Variants in ANGEL1 observed in about 807,000 individuals in gnomAD.
ANGEL1 encodes angel homolog 1.
In ANGEL1, 62 loss-of-function variants were observed where a neutral mutation model predicts 76.4. The ratio of observed to expected loss-of-function variants is 0.81; its 90% CI spans 0.66 to 1.00. The LOEUF is 1.00. ANGEL1 is among the 50% of genes least tolerant of loss of function. The pLI, the probability that ANGEL1 is intolerant of heterozygous loss-of-function variation, is 0.00. For missense variants in ANGEL1, 737 were observed against 836.7 expected (o/e 0.88, Z 1.47); for synonymous variants, 340 against 331.7 (o/e 1.03, Z -0.27).
chr14:76,797,707 C>T (rs961962664), intron 7 of ANGEL1, among the ~76,000 whole-genome samples: 2 of 152,218 alleles, frequency 1.3e-5, no homozygotes, highest in African/African-American at 2.4e-5. Context: ...TGTGACCTTC[C>T]GGTCAGTTTG....
At chr14:76,803,241 C>A (rs1015747177) in intron 7 of ANGEL1, 130 bp downstream of exon 7, 4 of 742,652 alleles carry the variant, frequency 5.4e-6, no homozygotes, top group Non-Finnish European at 4.3e-6. Context: ...AACCTTCCTT[C>A]TAAATATACG....
At chr14:76,806,982 T>C in intron 4 of ANGEL1, 133 bp from the exon 5 acceptor site, 1 of 1,035,124 alleles carries the variant, frequency 9.7e-7, no homozygotes, top group Non-Finnish European at 1.4e-6. Context: ...CCTTTGCCAC[T>C]TCCTTGGTTC....
chr14:76,809,111 G>C lies in ANGEL1; in HGVS notation c.597C>G (p.Pro199=), dbSNP rs1252009948. 1.2e-6 allele frequency: 2 copies of C among 1,614,106 alleles called. No homozygotes were observed. Residue 199 remains proline (P), a synonymous_variant, in exon 2 of 10, where the codon CCC becomes CCG. Transcript: ENST00000251089. ...GCTGCAACTGCCCCAGGCCCTCAAAGGGCCAGATGGAAGCCTCTTCCTGGG... is the reference window on the plus strand; with the variant it reads ...GCTGCAACTGCCCCAGGCCCTCAAACGGCCAGATGGAAGCCTCTTCCTGGG... The part of the protein sequence containing the change: ...PVPQEEASIW[P]FEGLGQLQPP...
At chr14:76,803,517 A>G (rs1894826958) in intron 6 of ANGEL1, 36 bp from the exon 7 acceptor site, 2 of 1,603,756 alleles carry the variant, frequency 1.2e-6, no homozygotes, top group African/African-American at 2.7e-5. Context: ...TGAAAGAAAG[A>G]CGATGAAGCC....
At chr14:76,812,511 A>C (rs1895118065) in intron 1 of ANGEL1, 2 of 1,241,394 alleles carry the variant, frequency 1.6e-6, no homozygotes, top group Non-Finnish European at 2.0e-6. Flanking sequence ...TCTCCACCTT[A>C]ACCGCGGCCG....
At chr14:76,797,745 A>G (rs1894626098) in intron 7 of ANGEL1, among the ~76,000 whole-genome samples, 2 of 152,268 alleles carry the variant, frequency 1.3e-5, no homozygotes, top group Non-Finnish European at 2.9e-5. Flanking sequence ...AAAATCGCCC[A>G]TTAGCAATTG....
At chr14:76,805,428 C>A (rs1467881591) in intron 5 of ANGEL1, among the ~76,000 whole-genome samples, 5 of 152,164 alleles carry the variant, frequency 3.3e-5, no homozygotes, top group Admixed American at 6.5e-5. Context: ...TTTCTCTGCA[C>A]ACATCTGGCT....
intron 3 of ANGEL1, 111 bp downstream of exon 3, chr14:76,807,811 T>C (rs757358574): frequency 6.6e-6 from 8 of 1,219,968 alleles, no homozygotes; most frequent in Admixed American, 2.1e-5. Context: ...CAGCCCTAGA[T>C]AGGACTCCAA....
chr14:76,801,930 G>C (rs1302242104), intron 7 of ANGEL1, among the ~76,000 whole-genome samples: 2 of 151,998 alleles, frequency 1.3e-5, no homozygotes, highest in African/African-American at 4.8e-5. Context: ...GCCAAGGCAG[G>C]CAGACTGCCT....
rs1351770174 is a variant in ANGEL1 at position 76,807,905 on chromosome 14, TC to T, written c.876+16del. On this transcript the variant is annotated intron_variant, in intron 3 of 9. Coordinates refer to ENST00000251089, the MANE Select transcript of ANGEL1 (RefSeq NM_015305.4). The stretch of plus-strand genomic sequence containing the variant: ...TCCAGCAACAATGCAAGATGGCAAT[TC>T]CCCCTCTTCACTCACATCAGGGTCC... 4 of 1,612,532 alleles carry T rather than the reference TC, an allele frequency of 2.5e-6. No individual in the cohort carries two copies. Among genetic ancestry groups the T allele is most frequent in the Non-Finnish European group, 3.4e-6 (4 of 1,179,390 alleles).
intron 7 of ANGEL1, among the ~76,000 whole-genome samples, chr14:76,799,906 GAA>G (rs11317631): frequency 2.0e-3 from 245 of 119,696 alleles, no homozygotes; most frequent in South Asian, 4.9e-3. Flanking sequence ...ACTCTGTCAT[GAA>G]AAAAAAAAAA....
chr14:76,793,460 AG>A (rs1438776727), intron 7 of ANGEL1, among the ~76,000 whole-genome samples: 2 of 84,192 alleles, frequency 2.4e-5, no homozygotes, highest in Non-Finnish European at 4.8e-5. Context: ...AAGGAAGAAG[AG>A]GGAGGAAAGG....
chr14:76,808,948 T>C (rs908476891), intron 2 of ANGEL1, 111 bp downstream of exon 2: 27 of 1,000,316 alleles, frequency 2.7e-5, no homozygotes, highest in African/African-American at 2.1e-4. Context: ...CTTAGAAAAA[T>C]AGAATGCAGT....
chr14:76,786,167 CTT>C lies in ANGEL1; in HGVS notation c.*3059_*3060del, dbSNP rs1555360433. On this transcript the variant is annotated 3_prime_UTR_variant, in exon 10 of 10. Coordinates refer to ENST00000251089, the MANE Select transcript of ANGEL1 (RefSeq NM_015305.4). ...AGTTTTCTTTCTTTTCTTTTCTTTT[CTT>C]TTTTTTTTTTTGAGATGGAGTTTCA... 12 of 114,944 alleles carry C rather than the reference CTT, an allele frequency of 1.0e-4. No individual in the cohort carries two copies. Among genetic ancestry groups the C allele is most frequent in the Middle Eastern group, 3.7e-3 (1 of 268 alleles). 7.1% of individuals were successfully genotyped at this position (114,944 alleles called of 1,614,324 possible). A position where few individuals can be genotyped will look rare whatever the true frequency, so the allele number is the denominator to read the frequency against.
chr14:76,803,715 C>G, intron 6 of ANGEL1, 71 bp downstream of exon 6: 1 of 1,537,070 alleles, frequency 6.5e-7, no homozygotes, highest in Non-Finnish European at 8.7e-7. Context: ...TTTTTCTTGT[C>G]GTTGAGACAC....
intron 7 of ANGEL1, among the ~76,000 whole-genome samples, chr14:76,801,857 T>C (rs1894773478): frequency 6.6e-6 from 1 of 152,190 alleles, no homozygotes. Flanking sequence ...GCTCTTTCTT[T>C]CATAAAGACA....
Position 76,809,190 on chromosome 14 carries a change from T to A in ANGEL1, c.518A>T (p.Gln173Leu), listed in dbSNP as rs1895010533. 1.2e-6 allele frequency: 2 copies of A among 1,613,848 alleles called. No individual in the cohort carries two copies. The highest frequency in any genetic ancestry group is 1.7e-6 in the Non-Finnish European group (2 of 1,179,866). The change falls in exon 2 of 10, where the codon CAG becomes CTG. Residue 173 changes from glutamine to leucine, a missense_variant. Around this residue, in one of 2 missense-constraint regions of ANGEL1, gnomAD observed 441 missense variants for 449.5 expected, o/e 0.98. Coordinates refer to ENST00000251089, the MANE Select transcript of ANGEL1 (RefSeq NM_015305.4). ...CAACACCGCTGGGTCCTCTTCCCAC[T>A]GCTCTGTGGCCAGGGCACCCACTGG... is the stretch of plus-strand genomic sequence containing the variant. ...ALPVGALATE[Q>L]WEEDPAVLAW...
chr14:76,802,702 G>A (rs915564031), intron 7 of ANGEL1, among the ~76,000 whole-genome samples: 1 of 151,978 alleles, frequency 6.6e-6, no homozygotes, highest in African/African-American at 2.4e-5. Context: ...AGGGATTTGG[G>A]TTTTATGCTC....
intron 7 of ANGEL1, among the ~76,000 whole-genome samples, chr14:76,796,238 G>A (rs1169826416): frequency 6.7e-6 from 1 of 149,842 alleles, no homozygotes; most frequent in Non-Finnish European, 1.5e-5. Flanking sequence ...CCAGTTCATA[G>A]TATTTTTTTT....
Sources: gnomAD v4.1 joint callset for allele counts (sites outside exome capture counted in the v4.1 genomes callset) on GRCh38, gnomAD v4.1.1 for gene constraint, gnomAD v4.1.1 regional missense constraint, MANE v1.5 for transcripts, NCBI Gene and HGNC (gene_info 2026-07-23, HGNC 2026-07-21) for gene names.